The following UNC80 variants were observed in gnomAD, a reference collection of about 807,000 sequenced individuals.
UNC80 encodes protein unc-80 homolog.
In UNC80, 164 loss-of-function variants were observed where a neutral mutation model predicts 384.6. The ratio of observed to expected loss-of-function variants is 0.43; its 90% CI spans 0.38 to 0.49. UNC80 has a LOEUF of 0.49. UNC80 is among the 20% of genes least tolerant of loss of function. The probability of loss-of-function intolerance (pLI) is 0.00; values close to 1 mark genes in which losing one functional copy is unlikely to be tolerated. For synonymous variants in UNC80, 1,486 were observed against 1,527.8 expected (o/e 0.97, Z 0.64); for missense variants, 3,330 against 4,143.0 (o/e 0.80, Z 5.39).
At chr2:209,779,641 A>G (rs1435505045) in intron 4 of UNC80, among the ~76,000 whole-genome samples, 2 of 152,182 alleles carry the variant, frequency 1.3e-5, no homozygotes, top group Non-Finnish European at 2.9e-5. Flanking sequence ...TGTCTGTCAT[A>G]TATGAGACTC....
chr2:209,811,444 A>T (rs1484579388), intron 7 of UNC80, among the ~76,000 whole-genome samples: 1 of 152,188 alleles, frequency 6.6e-6, no homozygotes, highest in Non-Finnish European at 1.5e-5. Context: ...ATAGGAAGTA[A>T]TTGCAATAAG....
intron 61 of UNC80, among the ~76,000 whole-genome samples, chr2:209,985,187 G>A (rs1255830020): frequency 2.0e-5 from 3 of 152,036 alleles, no homozygotes; most frequent in Non-Finnish European, 4.4e-5. Flanking sequence ...CATTTCCCAC[G>A]GATGTCTAAA....
chr2:209,801,275 A>G (rs973980441), intron 7 of UNC80, among the ~76,000 whole-genome samples: 2 of 149,530 alleles, frequency 1.3e-5, no homozygotes, highest in African/African-American at 5.0e-5. Context: ...AGCTCTTCCT[A>G]TTGAATTGTT....
At chr2:209,867,655 C>T (rs1478939347) in intron 22 of UNC80, among the ~76,000 whole-genome samples, 1 of 151,972 alleles carries the variant, frequency 6.6e-6, no homozygotes, top group African/African-American at 2.4e-5. Flanking sequence ...TCCTGACCAC[C>T]GACCCACTTG....
chr2:209,907,530 A>G (rs2088387578), intron 29 of UNC80, among the ~76,000 whole-genome samples: 2 of 152,164 alleles, frequency 1.3e-5, no homozygotes, highest in African/African-American at 4.8e-5. Context: ...TAAAGGATGC[A>G]TAGATGTTAA....
At chr2:209,867,898 T>A (rs984780471) in intron 22 of UNC80, among the ~76,000 whole-genome samples, 2 of 152,224 alleles carry the variant, frequency 1.3e-5, no homozygotes, top group Non-Finnish European at 2.9e-5. Context: ...CTAAATCAAA[T>A]GAATTCTTCA....
chr2:209,819,187 A>G lies in UNC80; in HGVS notation c.1888A>G (p.Ser630Gly). The change falls in exon 12 of 65, where the codon AGC becomes GGC. Residue 630 changes from serine to glycine, a missense_variant. Ser to Gly is a moderately conservative substitution (Grantham distance 56). This residue lies in a region of UNC80 where 937 missense variants were observed against 1,026.8 expected (regional missense o/e 0.91). Transcript: ENST00000673920. ...CCTCACAGACTCCTGCATAAACTAC[A>G]GCTACCTAGAGGACACAGAACATAT... is the stretch of plus-strand genomic sequence containing the variant. ...RSLTDSCINY[S>G]YLEDTEHIDG... The G allele has an allele frequency of 1.3e-6, 2 of 1,552,092 alleles. No homozygotes were observed. The highest frequency in any genetic ancestry group is 1.2e-5 in the South Asian group (1 of 84,066).
chr2:209,783,412 C>T (rs1386426413), intron 4 of UNC80, among the ~76,000 whole-genome samples: 1 of 151,962 alleles, frequency 6.6e-6, no homozygotes, highest in African/African-American at 2.4e-5. Flanking sequence ...AGGAAGATAC[C>T]AACACAAGAG....
At chr2:209,821,571 C>T (rs1341661562) in intron 13 of UNC80, among the ~76,000 whole-genome samples, 1 of 152,204 alleles carries the variant, frequency 6.6e-6, no homozygotes, top group Admixed American at 6.5e-5. Flanking sequence ...GACTAACTCT[C>T]CTAGCCTCAT....
chr2:209,775,116 C>A (rs114563944), intron 2 of UNC80, among the ~76,000 whole-genome samples: 3,356 of 152,164 alleles, frequency 0.022, 126 homozygotes, highest in African/African-American at 0.077. Flanking sequence ...TCTCCAACAC[C>A]TTACAGTGAT....
At chr2:209,907,046 C>T (rs538542600) in intron 29 of UNC80, among the ~76,000 whole-genome samples, 2 of 152,192 alleles carry the variant, frequency 1.3e-5, no homozygotes, top group Non-Finnish European at 2.9e-5. Flanking sequence ...ATGCCATCTC[C>T]TCCATGAAAC....
At position 209,815,409 on chromosome 2, in the gene UNC80, TGCTCTTTGA is replaced by T. The variant is rs773736553; in HGVS notation, c.1335+19_1335+27del. 6 of 1,545,726 alleles carry T rather than the reference TGCTCTTTGA, an allele frequency of 3.9e-6. No homozygotes were observed. In the African/African-American group the frequency reaches 6.9e-5, roughly 18 times the overall value. On this transcript the variant is annotated intron_variant, in intron 9 of 64. Transcript: ENST00000673920. ...TTAAAAAGGTGAGTAGAAATGCTTA[TGCTCTTTGA>T]TATTTTGGTAAATAAAAAATGTCAG...
chr2:209,928,473 T>C (rs1388660040), intron 36 of UNC80, among the ~76,000 whole-genome samples: 2 of 152,194 alleles, frequency 1.3e-5, no homozygotes, highest in South Asian at 2.1e-4. Flanking sequence ...TTTTTTTGTA[T>C]TTTTCATGTT....
At chr2:209,913,760 T>A in intron 30 of UNC80, 42 bp from the exon 31 acceptor site, 1 of 1,514,574 alleles carries the variant, frequency 6.6e-7, no homozygotes, top group Non-Finnish European at 8.9e-7. Flanking sequence ...CAGTATTCAC[T>A]GTCTTAAAAG....
intron 33 of UNC80, among the ~76,000 whole-genome samples, chr2:209,919,548 A>G (rs2089867415): frequency 6.6e-6 from 1 of 152,190 alleles, no homozygotes. Context: ...AAAACAACTT[A>G]CTGTTTATTT....
At position 209,872,966 on chromosome 2, in the gene UNC80, G is replaced by C. The variant is rs1355363954; in HGVS notation, c.3836G>C (p.Gly1279Ala). 3.2e-6 allele frequency: 5 copies of C among 1,551,516 alleles called. No individual in the cohort carries two copies. Among genetic ancestry groups the C allele is most frequent in the Non-Finnish European group, 4.4e-6 (5 of 1,146,948 alleles). Residue 1279 changes from glycine (G) to alanine (A), a missense_variant, in exon 23 of 65, where the codon GGA (glycine) becomes GCA (alanine). By Grantham distance (60) the Gly-to-Ala change is moderately conservative. Transcript: ENST00000673920. This position sits in a 1 kb window ranked among gnomAD's most constrained non-coding sequence, Gnocchi z 4.1. The part of the protein sequence containing the change: ...WNAAKLFYQW[G>A]DAIGVRLNEL... ...GCAGCCAAGCTCTTCTACCAATGGGGAGACGTGAGCTTTCGGTTTTCTTCT... is the reference window on the plus strand; with the variant it reads ...GCAGCCAAGCTCTTCTACCAATGGGCAGACGTGAGCTTTCGGTTTTCTTCT...
intron 39 of UNC80, among the ~76,000 whole-genome samples, chr2:209,934,552 C>T (rs1253750869): frequency 6.6e-6 from 1 of 152,014 alleles, no homozygotes; most frequent in Admixed American, 6.6e-5. Flanking sequence ...TGTGCAGTGA[C>T]TAAGAAAATT....
In UNC80 at chr2:209,777,502, C is replaced by A; in HGVS notation, c.543C>A (p.Ser181=). 1 of 1,614,154 alleles carries A rather than the reference C, an allele frequency of 6.2e-7. No individual in the cohort carries two copies. Among genetic ancestry groups the A allele is most frequent in the Non-Finnish European group, 8.5e-7 (1 of 1,179,990 alleles). ...ACCGAAGAAAGATCTTCCAGAACTC[C>A]ATGGCTACTGTGGAGCTCTTCGTGT... ...ENNRRKIFQN[S]MATVELFVFL... The change falls in exon 4 of 65, where the codon TCC becomes TCA. Residue 181 remains serine, a synonymous_variant. Transcript: ENST00000673920.
intron 40 of UNC80, 125 bp from the exon 41 acceptor site, chr2:209,936,719 A>G (rs1008394156): frequency 1.5e-5 from 10 of 657,768 alleles, no homozygotes; most frequent in East Asian, 2.7e-5. Flanking sequence ...TAAGACATCA[A>G]TATATACAGA....
Sources: gnomAD v4.1 joint callset for allele counts (sites outside exome capture counted in the v4.1 genomes callset) on GRCh38, gnomAD v4.1.1 for gene constraint, gnomAD v4.1.1 regional missense constraint, Gnocchi (gnomAD v3.1) non-coding constraint, MANE v1.5 for transcripts, NCBI Gene and HGNC (gene_info 2026-07-23, HGNC 2026-07-21) for gene names.